CCNY: variants seen among roughly 807,000 people sequenced by gnomAD.
The protein encoded by CCNY is cyclin Y, also known as cyclin-Y.
A neutral mutation model predicts 42.8 loss-of-function variants in CCNY; 19 were observed. The ratio of observed to expected loss-of-function variants is 0.44; its 90% confidence interval spans 0.31 to 0.65. CCNY has a LOEUF of 0.65. Among genes scored for constraint, CCNY ranks in the 30% least tolerant of loss-of-function variants. The pLI is 0.07. For missense variants in CCNY, 370 were observed against 437.3 expected (o/e 0.85, Z 1.37); for synonymous variants, 165 against 162.7 (o/e 1.01, Z -0.11).
chr10:35,299,587 CCTTT>C (rs1429837676), intron 3 of CCNY, among the ~76,000 whole-genome samples: 1 of 152,158 alleles, frequency 6.6e-6, no homozygotes, highest in African/African-American at 2.4e-5. Flanking sequence ...AGTCAATCCA[CCTTT>C]CTTATGTCTC....
intron 1 of CCNY, among the ~76,000 whole-genome samples, chr10:35,475,346 C>T (rs566866686): frequency 3.3e-5 from 5 of 152,150 alleles, no homozygotes; most frequent in South Asian, 4.2e-4. Context: ...TCAAATTCAC[C>T]GAAGTTGAAA....
chr10:35,367,413 A>G (rs1193981510), intron 1 of CCNY, among the ~76,000 whole-genome samples: 12 of 152,244 alleles, frequency 7.9e-5, no homozygotes, highest in Admixed American at 7.2e-4. Context: ...TTTTGGGTGT[A>G]AAATGAAATA....
intron 3 of CCNY, among the ~76,000 whole-genome samples, chr10:35,275,516 C>A (rs1417147806): frequency 6.6e-6 from 1 of 151,502 alleles, no homozygotes; most frequent in Non-Finnish European, 1.5e-5. Context: ...GTAATCCCAG[C>A]ACTTTGGGAG....
chr10:35,292,808 G>A (rs1438356331), intron 3 of CCNY, among the ~76,000 whole-genome samples: 3 of 123,982 alleles, frequency 2.4e-5, no homozygotes, highest in African/African-American at 9.4e-5. Flanking sequence ...TTTTGGAGAC[G>A]AAGTCTTGTT....
intron 3 of CCNY, among the ~76,000 whole-genome samples, chr10:35,514,091 A>C (rs909390455): frequency 2.0e-5 from 3 of 151,446 alleles, no homozygotes; most frequent in Admixed American, 6.6e-5. Flanking sequence ...AAAAAAAAAA[A>C]AAAAAACAGA....
intron 1 of CCNY, among the ~76,000 whole-genome samples, chr10:35,395,946 G>C (rs1025296288): frequency 1.3e-5 from 2 of 152,082 alleles, no homozygotes; most frequent in African/African-American, 4.8e-5. Context: ...GTGTGCGGGT[G>C]TTGTGGGGTG....
chr10:35,542,605 T>C (rs1841026502), intron 7 of CCNY, among the ~76,000 whole-genome samples: 1 of 152,160 alleles, frequency 6.6e-6, no homozygotes, highest in Non-Finnish European at 1.5e-5. Flanking sequence ...TGGGGTTGGG[T>C]CTCAGCCTGG....
chr10:35,482,281 A>G (rs1839685943), intron 1 of CCNY, among the ~76,000 whole-genome samples: 1 of 152,176 alleles, frequency 6.6e-6, no homozygotes, highest in Non-Finnish European at 1.5e-5. Flanking sequence ...CTTAGTGTTG[A>G]TTAGGTTTCT....
chr10:35,522,472 C>T (rs1840568951), intron 4 of CCNY, among the ~76,000 whole-genome samples: 1 of 152,142 alleles, frequency 6.6e-6, no homozygotes, highest in African/African-American at 2.4e-5. Context: ...TTTAGAGGAA[C>T]GCAGACAAAT....
chr10:35,258,524 GCTT>G (rs2095717144), intron 3 of CCNY, among the ~76,000 whole-genome samples: 1 of 152,168 alleles, frequency 6.6e-6, no homozygotes, highest in South Asian at 2.1e-4. Context: ...TCATCCACCT[GCTT>G]CTTTTTGCCT....
intron 1 of CCNY, among the ~76,000 whole-genome samples, chr10:35,423,390 AC>A (rs1271336094): frequency 6.6e-6 from 1 of 151,644 alleles, no homozygotes; most frequent in Admixed American, 6.6e-5. Context: ...TCCGCGGATT[AC>A]CTGAGCCCAG....
At chr10:35,464,741 C>T (rs2135334929) in intron 1 of CCNY, among the ~76,000 whole-genome samples, 1 of 152,292 alleles carries the variant, frequency 6.6e-6, no homozygotes, top group Admixed American at 6.5e-5. Flanking sequence ...CCCTGGGGGC[C>T]ACAGGGCCTC....
At chr10:35,293,080 T>G (rs1835434202) in intron 3 of CCNY, among the ~76,000 whole-genome samples, 1 of 152,184 alleles carries the variant, frequency 6.6e-6, no homozygotes, top group Non-Finnish European at 1.5e-5. Context: ...GTGCCCGGCC[T>G]GTTATCCTCT....
At chr10:35,450,496 C>T (rs540496934) in intron 1 of CCNY, among the ~76,000 whole-genome samples, 12 of 152,072 alleles carry the variant, frequency 7.9e-5, no homozygotes, top group African/African-American at 2.7e-4. Flanking sequence ...TGCTAAGGGA[C>T]AGCCTGGGAG....
chr10:35,314,771 G>A (rs1459920693), intron 3 of CCNY: 1 of 152,088 alleles, frequency 6.6e-6, no homozygotes, highest in Non-Finnish European at 1.5e-5. Flanking sequence ...CTTGCAATGA[G>A]TATTGTCCCA....
At chr10:35,545,391 G>A (rs541171816) in intron 7 of CCNY, among the ~76,000 whole-genome samples, 36 of 152,196 alleles carry the variant, frequency 2.4e-4, no homozygotes, top group Admixed American at 5.2e-4. Context: ...CACTGGCCGG[G>A]TTAGTTCCAA....
rs542236291 is a variant in CCNY at position 35,412,626 on chromosome 10, A to G, written c.155-70778A>G. On this transcript the variant is annotated intron_variant, in intron 1 of 9. Coordinates refer to ENST00000374704, the MANE Select transcript of CCNY (RefSeq NM_145012.6). ...AGCCCTTTGGGAGGCCAAGGTGGGT[A>G]GATTGCCTGAACTCAGAAGTTTGCG... Among the ~76,000 whole-genome samples, 230 of 151,380 alleles carry G rather than the reference A, an allele frequency of 1.5e-3. 1 individual carries two copies. Among genetic ancestry groups the G allele is most frequent in the Non-Finnish European group, 2.7e-3 (185 of 67,836 alleles).
rs559589497 is a variant in CCNY, at chr10:35,467,607, A to G, written c.155-15797A>G. Among the ~76,000 whole-genome samples the G allele has an allele frequency of 2.0e-5, 3 of 152,316 alleles. No homozygotes were observed. In the East Asian group the frequency reaches 5.8e-4, roughly 29 times the overall value. On this transcript the variant is annotated intron_variant, in intron 1 of 9. Transcript: ENST00000374704. ...AGAGGATTATATGCAAATAACAATA[A>G]TTTTGTTTCTTTCCATTTCAATAAA...
rs181176902 is a variant in CCNY, at chr10:35,469,060, T to A, written c.155-14344T>A. 6.5e-3 allele frequency among the ~76,000 whole-genome samples: 990 copies of A among 152,366 alleles called. 13 individuals are homozygous for A. The highest frequency in any genetic ancestry group is 7.1e-3 in the Non-Finnish European group (485 of 68,038). On this transcript the variant is annotated intron_variant, in intron 1 of 9. Coordinates refer to ENST00000374704, the MANE Select transcript of CCNY (RefSeq NM_145012.6). ...TAGTGTCTTCAAACCAAGATACTTC[T>A]GAGAGTAAAGGGGGTTAGAATTCTT...
Sources: gnomAD v4.1 joint callset for allele counts (sites outside exome capture counted in the v4.1 genomes callset) on GRCh38, gnomAD v4.1.1 for gene constraint, MANE v1.5 for transcripts, NCBI Gene and HGNC (gene_info 2026-07-23, HGNC 2026-07-21) for gene names.